Variants in SLC25A29 observed in about 807,000 individuals in gnomAD.
SLC25A29 encodes the protein mitochondrial basic amino acids transporter.
SLC25A29 carries 13 observed loss-of-function variants against 10.0 expected under a neutral mutation model. The ratio of observed to expected loss-of-function variants is 1.30; its 90% CI spans 0.85 to 2.07. The LOEUF is 2.07. SLC25A29 is among the 30% of genes most tolerant of loss of function. The probability of loss-of-function intolerance (pLI) is 0.00; values close to 1 mark genes in which losing one functional copy is unlikely to be tolerated. For synonymous variants in SLC25A29, 244 were observed against 221.1 expected (o/e 1.10, Z -0.92); for missense variants, 475 against 447.6 (o/e 1.06, Z -0.55).
chr14:100,301,363 G>A (rs746317663), intron 1 of SLC25A29, among the ~76,000 whole-genome samples: 71 of 150,980 alleles, frequency 4.7e-4, no homozygotes, highest in Non-Finnish European at 9.4e-4. Context: ...AAGGGGTTTC[G>A]CCATGTTGGC....
intron 1 of SLC25A29, among the ~76,000 whole-genome samples, chr14:100,301,195 G>A (rs141034773): frequency 1.8e-3 from 276 of 150,022 alleles, no homozygotes; most frequent in African/African-American, 6.5e-3. Flanking sequence ...CACCACGCCT[G>A]GCCTATTCCC....
chr14:100,301,661 C>T (rs963089124), intron 1 of SLC25A29, among the ~76,000 whole-genome samples: 2 of 152,042 alleles, frequency 1.3e-5, no homozygotes, highest in East Asian at 3.9e-4. Flanking sequence ...AGGTGCCCGC[C>T]ACCACGCCTG....
At chr14:100,287,029 T>C (rs1039368017), downstream of SLC25A29, among the ~76,000 whole-genome samples, 2 of 152,192 alleles carry the variant, frequency 1.3e-5, no homozygotes, top group Admixed American at 6.5e-5. Context: ...TGGGTGTGCA[T>C]AGGGCTGAGC....
intron 1 of SLC25A29, among the ~76,000 whole-genome samples, chr14:100,301,656 C>T (rs1892555115): frequency 6.6e-6 from 1 of 151,738 alleles, no homozygotes; most frequent in Admixed American, 6.6e-5. Context: ...AATACAGGTG[C>T]CCGCCACCAC....
chr14:100,297,358 C>T (rs927598879), intron 2 of SLC25A29, among the ~76,000 whole-genome samples: 4 of 152,204 alleles, frequency 2.6e-5, no homozygotes, highest in East Asian at 1.9e-4. Context: ...AGCACCAGAA[C>T]GAAAGTGCTC....
the SLC25A29 span, chr14:100,278,809 G>C: frequency 6.6e-6 from 1 of 152,282 alleles, no homozygotes. Context: ...CGCCTGCGCA[G>C]GGTAAGGTGC....
rs1352894891 is a variant in SLC25A29, at chr14:100,292,027, G to C, written c.*256C>G. On this transcript the variant is annotated 3_prime_UTR_variant, in exon 4 of 4. Transcript: ENST00000359232. ...AATGGCCTCAGCCAGGCCAGGTGCT[G>C]GCTGCTGCTGGGAATAATCTCTGAG... 2 of 510,862 alleles carry C rather than the reference G, an allele frequency of 3.9e-6. No homozygotes were observed. Among genetic ancestry groups the C allele is most frequent in the African/African-American group, 4.2e-5 (2 of 48,192 alleles). The allele number at this position is 510,862 out of a possible 1,614,324, so 31.6% of individuals were successfully genotyped here.
intron 1 of SLC25A29, 128 bp downstream of exon 1, chr14:100,306,071 C>T: frequency 1.6e-6 from 1 of 616,336 alleles, no homozygotes; most frequent in South Asian, 2.9e-5. Context: ...GGCAAGAGAA[C>T]TGTGGTCCCC....
chr14:100,298,262 C>T (rs527644442), intron 2 of SLC25A29: 35 of 159,692 alleles, frequency 2.2e-4, no homozygotes, highest in Non-Finnish European at 3.5e-4. Context: ...CAACCACAAG[C>T]GGAGGGTGGG....
In SLC25A29 at chr14:100,306,358, C is replaced by T; in HGVS notation, c.-126G>A. 2 of 995,086 alleles carry T rather than the reference C, an allele frequency of 2.0e-6. No homozygotes were observed. The highest frequency in any genetic ancestry group is 3.4e-5 in the African/African-American group (2 of 59,278). 61.6% of individuals were successfully genotyped at this position (995,086 alleles called of 1,614,324 possible). ...CTGGGCCTGGCCGCTCCTCCTGGCG[C>T]GGAGCCCGGGCAGGCGCGGTCAGGG... On this transcript the variant is annotated 5_prime_UTR_variant, in exon 1 of 4. Transcript: ENST00000359232.
At position 100,292,679 on chromosome 14, in the gene SLC25A29, A is replaced by G. The variant is rs1413482091; in HGVS notation, c.516T>C (p.Tyr172=). ...TPSFGVYFLT[Y]DALTRALGCE... is the part of the protein sequence containing the mutation. The stretch of plus-strand genomic sequence containing the variant: ...AGCCCAGCGCCCGCGTGAGAGCGTC[A>G]TAGGTGAGGAAGTAGACGCCGAAGC... Residue 172 remains tyrosine (Y), a synonymous_variant, in exon 4 of 4, where the codon TAT becomes TAC. Coordinates refer to ENST00000359232, the MANE Select transcript of SLC25A29 (RefSeq NM_001039355.3). 2 of 1,602,754 alleles carry G rather than the reference A, an allele frequency of 1.2e-6. No individual in the cohort carries two copies. The highest frequency in any genetic ancestry group is 2.2e-5 in the South Asian group (2 of 89,498).
chr14:100,304,075 A>C (rs974808778), intron 1 of SLC25A29, among the ~76,000 whole-genome samples: 6 of 152,120 alleles, frequency 3.9e-5, no homozygotes, highest in African/African-American at 1.4e-4. Flanking sequence ...TGAGAAGTTA[A>C]AACACGTGAC....
At chr14:100,283,423 G>A in the SLC25A29 span, among the ~76,000 whole-genome samples, 2 of 151,882 alleles carry the variant, frequency 1.3e-5, no homozygotes, top group Non-Finnish European at 2.9e-5. Context: ...GGGCTGAGCT[G>A]AGCAAGACGG....
At chr14:100,298,986 C>CTTTTTT in intron 1 of SLC25A29, 101 bp from the exon 2 acceptor site, 1 of 1,540,756 alleles carries the variant, frequency 6.5e-7, no homozygotes, top group South Asian at 1.2e-5. Context: ...GCAGGAGCTG[C>CTTTTTT]TGCCGGGGAA....
the SLC25A29 span, chr14:100,280,209 T>C: frequency 6.6e-6 from 1 of 152,364 alleles, no homozygotes; most frequent in South Asian, 2.1e-4. Flanking sequence ...GGTTAGAATT[T>C]ATAATTTTGC....
chr14:100,284,472 C>G, the SLC25A29 span, among the ~76,000 whole-genome samples: 5 of 152,194 alleles, frequency 3.3e-5, no homozygotes, highest in Non-Finnish European at 7.3e-5. Context: ...TGAACTGCAG[C>G]GGTTCCCTAC....
chr14:100,284,810 C>T, the SLC25A29 span, among the ~76,000 whole-genome samples: 1 of 152,136 alleles, frequency 6.6e-6, no homozygotes, highest in Non-Finnish European at 1.5e-5. Flanking sequence ...GAGGCCGAGG[C>T]GGGCAGATCA....
the SLC25A29 span, chr14:100,282,874 C>G: frequency 6.6e-6 from 1 of 152,234 alleles, no homozygotes; most frequent in Non-Finnish European, 1.5e-5. Context: ...GCCATGAGCC[C>G]TTCCTGGTCT....
chr14:100,287,628 A>ACCCCCCCCC (rs1171229559), downstream of SLC25A29, among the ~76,000 whole-genome samples: 5 of 62,216 alleles, frequency 8.0e-5, no homozygotes, highest in South Asian at 6.4e-4. Context: ...CTGGAGCACC[A>ACCCCCCCCC]CCCCCCCCCT....
Sources: gnomAD v4.1 joint callset for allele counts (sites outside exome capture counted in the v4.1 genomes callset) on GRCh38, gnomAD v4.1.1 for gene constraint, MANE v1.5 for transcripts, NCBI Gene and HGNC (gene_info 2026-07-23, HGNC 2026-07-21) for gene names.